ZNF117: variants seen among roughly 807,000 people sequenced by gnomAD.
ZNF117 encodes Krueppel-related zinc finger protein.
In ZNF117, 37 loss-of-function variants were observed where a neutral mutation model predicts 41.2. The ratio of observed to expected loss-of-function variants is 0.90; its 90% CI spans 0.69 to 1.18. ZNF117 has a LOEUF of 1.18. Among genes scored for constraint, ZNF117 ranks in the 50% most tolerant of loss-of-function variants. The pLI is 0.00. For synonymous variants in ZNF117, 186 were observed against 186.6 expected (o/e 1.00, Z 0.02); for missense variants, 546 against 557.5 (o/e 0.98, Z 0.21).
In ZNF117 at chr7:64,975,231, TTTAA is replaced by T. The variant is rs1785856947; in HGVS notation, c.*2884_*2887del. 2.6e-5 allele frequency: 4 copies of T among 151,686 alleles called. No individual in the cohort carries two copies. The South Asian group carries it at 6.2e-4, about 24-fold the overall frequency. 9.4% of individuals were successfully genotyped at this position (151,686 alleles called of 1,614,324 possible). A position where few individuals can be genotyped will look rare whatever the true frequency, so the allele number is the denominator to read the frequency against. On this transcript the variant is annotated 3_prime_UTR_variant, in exon 3 of 3. Transcript: ENST00000620222. ...TGGTCTTAACATGTTAAAAAAAAAGTTTAATTAAAAAATTAAGTTCACAATAATC... is the reference window on the plus strand; with the variant it reads ...TGGTCTTAACATGTTAAAAAAAAAGTTTAAAAAATTAAGTTCACAATAATC...
upstream of ZNF117, among the ~76,000 whole-genome samples, chr7:64,985,285 G>A (rs1379597867): frequency 1.3e-5 from 2 of 152,200 alleles, no homozygotes; most frequent in African/African-American, 4.8e-5. Context: ...TTCATACACT[G>A]AACCATGCTT....
At chr7:64,977,785 G>A in exon 3 of ZNF117, 1 of 944,476 alleles carries the variant, frequency 1.1e-6, no homozygotes, top group Non-Finnish European at 1.6e-6. Context: ...GTTGAGAACT[G>A]GTTAAAAGCT....
Position 64,982,099 on chromosome 7 carries a change from C to A in ZNF117, c.-178G>T, listed in dbSNP as rs1786045860. 14 of 957,964 alleles carry A rather than the reference C, an allele frequency of 1.5e-5. No homozygotes were observed. In the South Asian group the frequency reaches 1.8e-4, roughly 12 times the overall value. The allele number at this position is 957,964 out of a possible 1,614,324, so 59.3% of individuals were successfully genotyped here. A position where few individuals can be genotyped will look rare whatever the true frequency, so the allele number is the denominator to read the frequency against. On this transcript the variant is annotated 5_prime_UTR_variant, in exon 1 of 3. It removes an upstream start codon present in the reference 5' UTR. Coordinates refer to ENST00000620222, the Ensembl canonical transcript of ZNF117. ...CCAAAGAGAATTCTATGGCCACATC[C>A]ATAAATGTCAATGGTCCCTGAAAAA... is the stretch of plus-strand genomic sequence containing the variant.
At chr7:64,987,453 G>C (rs1786158420) in intron 1 of ZNF117, among the ~76,000 whole-genome samples, 1 of 152,146 alleles carries the variant, frequency 6.6e-6, no homozygotes, top group South Asian at 2.1e-4. Context: ...GATCTGTACT[G>C]AAGGAGATTT....
chr7:64,984,001 G>A (rs904586099), upstream of ZNF117, among the ~76,000 whole-genome samples: 18 of 152,196 alleles, frequency 1.2e-4, no homozygotes, highest in Admixed American at 8.5e-4. Flanking sequence ...CATGAGAAAC[G>A]TGAGCATTAT....
At chr7:64,978,562 C>T in exon 3 of ZNF117, 2 of 1,613,000 alleles carry the variant, frequency 1.2e-6, no homozygotes, top group Non-Finnish European at 8.5e-7. Flanking sequence ...TTGCCACATT[C>T]CTCACATTTG....
chr7:64,975,652 A>G (rs996873191), exon 3 of ZNF117: 1 of 152,172 alleles, frequency 6.6e-6, no homozygotes, highest in Non-Finnish European at 1.5e-5. Flanking sequence ...AAAATTTTGT[A>G]ATTTTTTCAA....
exon 1 of ZNF117, chr7:64,990,663 G>A (rs561278576): frequency 6.6e-6 from 1 of 152,352 alleles, no homozygotes; most frequent in Admixed American, 6.5e-5. Context: ...TTACAGACTT[G>A]CAGAAATAGT....
At chr7:64,977,286 A>T in exon 3 of ZNF117, 1 of 413,368 alleles carries the variant, frequency 2.4e-6, no homozygotes, top group South Asian at 1.9e-5. Flanking sequence ...AGATCGGTTA[A>T]AAACTTTGCC....
rs58009024 is a variant in ZNF117, at chr7:64,989,443, TTATATATATATATA to T, written c.-196+490_-196+503del. ...AAAGACTTAAATGTAGAACTTAAAATTATATATATATATATATATATATATATATATATATATAT... is the reference window on the plus strand; with the variant it reads ...AAAGACTTAAATGTAGAACTTAAAATTATATATATATATATATATATATAT... On this transcript the variant is annotated intron_variant, in intron 1 of 3. Transcript: ENST00000282869. Among the ~76,000 whole-genome samples the T allele has an allele frequency of 8.8e-3, 433 of 49,414 alleles. 10 individuals are homozygous for T. The highest frequency in any genetic ancestry group is 0.024 in the East Asian group (26 of 1,072). The allele number at this position is 49,414 out of a possible 152,430, so 32.4% of individuals were successfully genotyped here.
rs553291691 is a variant in ZNF117 at position 64,977,695 on chromosome 7, C to T, written c.*424G>A. 150 of 753,716 alleles carry T rather than the reference C, an allele frequency of 2.0e-4. No individual in the cohort carries two copies. In the East Asian group the frequency reaches 3.9e-3, roughly 20 times the overall value. The allele number at this position is 753,716 out of a possible 1,614,324, so 46.7% of individuals were successfully genotyped here. ...ATTTTCTTATGTGTAGTAAGGTTTA[C>T]GTATAGGTTGAAAGCTTTGCCACAT... On this transcript the variant is annotated 3_prime_UTR_variant, in exon 3 of 3. Transcript: ENST00000620222.
chr7:64,972,231 GGA>G (rs1785795533), downstream of ZNF117: 1 of 151,960 alleles, frequency 6.6e-6, no homozygotes, highest in Non-Finnish European at 1.5e-5. Context: ...ATGTGAATGA[GGA>G]GAGTCACTAT....
chr7:64,974,570 C>A (rs924423843), exon 3 of ZNF117: 1 of 151,868 alleles, frequency 6.6e-6, no homozygotes, highest in Non-Finnish European at 1.5e-5. Context: ...CCATAACTTT[C>A]TTGCACTTAA....
chr7:64,972,627 A>T (rs1785800656), downstream of ZNF117: 5 of 152,146 alleles, frequency 3.3e-5, no homozygotes, highest in South Asian at 1.0e-3. Context: ...TGACCACCAG[A>T]CACCAAGGTA....
At chr7:64,984,842 G>A (rs888028796), upstream of ZNF117, among the ~76,000 whole-genome samples, 1 of 152,138 alleles carries the variant, frequency 6.6e-6, no homozygotes, top group Admixed American at 6.5e-5. Flanking sequence ...CCAGGCTGGA[G>A]TGCAGTGGTG....
chr7:64,989,208 A>G (rs1429155403), intron 1 of ZNF117, among the ~76,000 whole-genome samples: 1 of 151,032 alleles, frequency 6.6e-6, no homozygotes, highest in African/African-American at 2.4e-5. Flanking sequence ...TAAACGACTC[A>G]TAGAACAAGA....
At chr7:64,982,890 T>C (rs1786061681), upstream of ZNF117, among the ~76,000 whole-genome samples, 1 of 152,210 alleles carries the variant, frequency 6.6e-6, no homozygotes, top group Non-Finnish European at 1.5e-5. Context: ...TCAACTGCAC[T>C]AGGACAAATT....
Position 64,979,176 on chromosome 7 carries a change from GTTTGGA to G in ZNF117, c.389_394del (p.Ile130_Gln131del), listed in dbSNP as rs753830393. 1.9e-5 allele frequency: 30 copies of G among 1,606,684 alleles called. No homozygotes were observed. In the Middle Eastern group the frequency reaches 6.7e-4, roughly 36 times the overall value. ...TTCACATTTGTAGAAATTCACTCTA[GTTTGGA>G]TTCTTTTATGTTGAGTTAGGTGTGA... On this transcript the variant is annotated inframe_deletion, in exon 3 of 3. Coordinates refer to ENST00000620222, the Ensembl canonical transcript of ZNF117.
At chr7:64,983,203 T>C (rs62456466), upstream of ZNF117, among the ~76,000 whole-genome samples, 5,607 of 152,322 alleles carry the variant, frequency 0.037, 165 homozygotes, top group East Asian at 0.15. Flanking sequence ...AGAACAGAGA[T>C]GGTACCTCAA....
Sources: allele counts gnomAD v4.1 joint callset (sites outside exome capture counted in the v4.1 genomes callset), GRCh38; gene constraint gnomAD v4.1.1; transcripts MANE v1.5; gene names NCBI Gene and HGNC (gene_info 2026-07-23, HGNC 2026-07-21).